Variants in HKDC1 observed in about 807,000 individuals in gnomAD.
HKDC1 encodes hexokinase domain containing 1, also known as hexokinase HKDC1.
A neutral mutation model predicts 96.6 loss-of-function variants in HKDC1; 66 were observed. The ratio of observed to expected loss-of-function variants is 0.68; its 90% CI spans 0.56 to 0.84. The LOEUF (loss-of-function observed/expected upper bound fraction) is 0.84. Ranked by LOEUF, HKDC1 falls within the 40% of genes least tolerant of loss-of-function variation. HKDC1 has a pLI of 0.00. For synonymous variants in HKDC1, 466 were observed against 473.1 expected (o/e 0.98, Z 0.20); for missense variants, 1,211 against 1,208.1 (o/e 1.00, Z -0.04).
rs755609504 is a variant in HKDC1 at position 69,261,259 on chromosome 10, C to T, written c.2337C>T (p.Gly779=). The change falls in exon 16 of 18, where the codon GGC becomes GGT. Residue 779 remains glycine (G), a synonymous_variant. Coordinates refer to ENST00000354624, the MANE Select transcript of HKDC1 (RefSeq NM_025130.4). ...GQISERLRTR[G]IFETKFLSQI... ...TTTCAGAGCGTCTCCGGACCAGGGG[C>T]ATCTTCGAAACCAAGTTCCTGTCCC... is the stretch of plus-strand genomic sequence containing the variant. 1.9e-6 allele frequency: 3 copies of T among 1,614,048 alleles called. No individual in the cohort carries two copies. In the African/African-American group the frequency reaches 4.0e-5, roughly 22 times the overall value.
chr10:69,229,232 T>G (rs931883882), intron 2 of HKDC1, among the ~76,000 whole-genome samples: 1 of 152,156 alleles, frequency 6.6e-6, no homozygotes, highest in East Asian at 1.9e-4. Context: ...GGGGCTTTGA[T>G]GGGATCAGTC....
chr10:69,228,720 G>A lies in HKDC1; in HGVS notation c.226+1351G>A, dbSNP rs573707861. On this transcript the variant is annotated intron_variant, in intron 2 of 17. Transcript: ENST00000354624. ...ACCTCTACTAAAAATACAACAATTA[G>A]CCAGGTGTGATGGCATGCACCTGTA... Among the ~76,000 whole-genome samples, 124 of 152,210 alleles carry A rather than the reference G, an allele frequency of 8.1e-4. 3 individuals carry two copies. The highest frequency in any genetic ancestry group is 9.1e-4 in the Non-Finnish European group (62 of 68,020).
At chr10:69,259,224 C>T (rs1330021554) in intron 15 of HKDC1, among the ~76,000 whole-genome samples, 4 of 152,202 alleles carry the variant, frequency 2.6e-5, no homozygotes, top group Admixed American at 6.5e-5. Context: ...CATGTTCATT[C>T]ACCAAGGGCA....
intron 1 of HKDC1, among the ~76,000 whole-genome samples, chr10:69,226,762 T>C (rs999624827): frequency 2.0e-5 from 3 of 152,224 alleles, no homozygotes; most frequent in Admixed American, 6.5e-5. Flanking sequence ...GAAACCTGTC[T>C]AGCTATATCT....
At chr10:69,261,089 G>T in intron 15 of HKDC1, 50 bp from the exon 16 acceptor site, 1 of 1,561,036 alleles carries the variant, frequency 6.4e-7, no homozygotes, top group Non-Finnish European at 8.8e-7. Context: ...ACATCATGTG[G>T]TCTTCTGCAT....
chr10:69,254,827 CT>C (rs1402374424), intron 12 of HKDC1, among the ~76,000 whole-genome samples: 1 of 151,788 alleles, frequency 6.6e-6, no homozygotes, highest in Admixed American at 6.6e-5. Context: ...AATTTCACCC[CT>C]GAAATAAGAA....
chr10:69,240,467 T>C (rs905117124), intron 5 of HKDC1, among the ~76,000 whole-genome samples, 185 bp from the exon 6 acceptor site: 3 of 152,208 alleles, frequency 2.0e-5, no homozygotes, highest in Non-Finnish European at 4.4e-5. Context: ...CTTCAGCTCC[T>C]GTCGGCTCTT....
Position 69,231,777 on chromosome 10 carries a change from T to C in HKDC1, c.227-987T>C, listed in dbSNP as rs143357859. ...TGCTCAGTAAATGTGTGGACATAGA[T>C]TGTGGGATCTACCCTACCTCCTACA... On this transcript the variant is annotated intron_variant, in intron 2 of 17. Coordinates refer to ENST00000354624, the MANE Select transcript of HKDC1 (RefSeq NM_025130.4). Among the ~76,000 whole-genome samples, 1,033 of 152,228 alleles carry C rather than the reference T, an allele frequency of 6.8e-3. 6 individuals carry two copies. Among genetic ancestry groups the C allele is most frequent in the Non-Finnish European group, 0.011 (756 of 68,006 alleles).
intron 16 of HKDC1, among the ~76,000 whole-genome samples, chr10:69,265,030 G>T (rs1194661241): frequency 6.6e-6 from 1 of 152,202 alleles, no homozygotes; most frequent in African/African-American, 2.4e-5. Context: ...AATATACCCT[G>T]CTGGCTACTA....
intron 12 of HKDC1, 40 bp from the exon 13 acceptor site, chr10:69,256,996 C>G (rs777349562): frequency 1.3e-6 from 2 of 1,510,678 alleles, no homozygotes; most frequent in South Asian, 2.2e-5. Context: ...GTGGCCCTAG[C>G]AAACTATTGC....
At chr10:69,249,102 C>T (rs776115680) in intron 10 of HKDC1, 2 of 181,712 alleles carry the variant, frequency 1.1e-5, no homozygotes, top group Non-Finnish European at 2.3e-5. Context: ...GCTCTGTTCT[C>T]TTCTGCAGCT....
chr10:69,241,385 G>T (rs550138916), intron 6 of HKDC1, among the ~76,000 whole-genome samples: 1 of 152,196 alleles, frequency 6.6e-6, no homozygotes, highest in Non-Finnish European at 1.5e-5. Flanking sequence ...TGCACAGGAT[G>T]TGCACACAGT....
intron 16 of HKDC1, chr10:69,265,317 A>G (rs2132383503): frequency 2.3e-6 from 1 of 439,804 alleles, no homozygotes; most frequent in Admixed American, 4.4e-5. Context: ...GCTGCAGCTC[A>G]TATGGCTTCT....
At chr10:69,235,757 C>T (rs772640429) in intron 4 of HKDC1, among the ~76,000 whole-genome samples, 2 of 152,134 alleles carry the variant, frequency 1.3e-5, no homozygotes, top group Non-Finnish European at 2.9e-5. Flanking sequence ...AGGGTGTGAA[C>T]GGATGGTTTA....
rs1009118582 is a variant in HKDC1, at chr10:69,257,144, G to A, written c.1932+13G>A. 6.2e-7 allele frequency: 1 copy of A among 1,608,938 alleles called. No individual in the cohort carries two copies. Among genetic ancestry groups the A allele is most frequent in the Non-Finnish European group, 8.5e-7 (1 of 1,175,260 alleles). On this transcript the variant is annotated intron_variant, in intron 13 of 17. Coordinates refer to ENST00000354624, the MANE Select transcript of HKDC1 (RefSeq NM_025130.4). ...CAAGAGGAGAAACGTAGGATGTGGT[G>A]TTGAGGCTCATGCCTGCTCTTGCTG... is the stretch of plus-strand genomic sequence containing the variant.
Position 69,248,589 on chromosome 10 carries a change from C to G in HKDC1, c.1431C>G (p.Phe477Leu). The stretch of plus-strand genomic sequence containing the variant: ...AGATCGACAGGGTGCTGGCTTTGTT[C>G]CAGCTGACCCGAGAGCAGCTCGTGG... ...RKQIDRVLALFQLTREQLVDV... is the reference protein window; with the variant it reads ...RKQIDRVLALLQLTREQLVDV... The change falls in exon 10 of 18, where the codon TTC becomes TTG. Residue 477 changes from phenylalanine to leucine, a missense_variant. Coordinates refer to ENST00000354624, the MANE Select transcript of HKDC1 (RefSeq NM_025130.4). 1 of 1,614,136 alleles carries G rather than the reference C, an allele frequency of 6.2e-7. No individual in the cohort carries two copies. The highest frequency in any genetic ancestry group is 8.5e-7 in the Non-Finnish European group (1 of 1,180,036).
chr10:69,233,279 C>T (rs937832862), intron 4 of HKDC1, 146 bp downstream of exon 4: 11 of 1,150,214 alleles, frequency 9.6e-6, no homozygotes, highest in East Asian at 4.7e-5. Context: ...GAGGTGGCAG[C>T]GTGAGGCAGA....
At chr10:69,265,853 G>A (rs779076875) in intron 17 of HKDC1, 35 bp downstream of exon 17, 1 of 1,483,906 alleles carries the variant, frequency 6.7e-7, no homozygotes, top group Non-Finnish European at 9.3e-7. Flanking sequence ...GGGTGGGGCT[G>A]GGGAGGGCTG....
intron 7 of HKDC1, among the ~76,000 whole-genome samples, chr10:69,245,610 G>A (rs1027629014): frequency 9.1e-6 from 1 of 109,602 alleles, no homozygotes; most frequent in Non-Finnish European, 2.2e-5. Context: ...TAATAATAAT[G>A]TTCAATAGTC....
Sources: gnomAD v4.1 joint callset for allele counts (sites outside exome capture counted in the v4.1 genomes callset) on GRCh38, gnomAD v4.1.1 for gene constraint, MANE v1.5 for transcripts, NCBI Gene and HGNC (gene_info 2026-07-23, HGNC 2026-07-21) for gene names.